The following ARHGAP22 variants were observed in gnomAD, a reference collection of about 807,000 sequenced individuals.
ARHGAP22 encodes Rho GTPase activating protein 22.
In ARHGAP22, 48 loss-of-function variants were observed where a neutral mutation model predicts 59.1. That is an observed-to-expected ratio of 0.81 (90% confidence interval 0.64 to 1.03). ARHGAP22 has a LOEUF of 1.03. Ranked by LOEUF, ARHGAP22 falls within the 50% of genes least tolerant of loss-of-function variation. The pLI is 0.00. For missense variants in ARHGAP22, 1,015 were observed against 958.7 expected (o/e 1.06, Z -0.78); for synonymous variants, 445 against 416.4 (o/e 1.07, Z -0.84).
At chr10:48,620,525 T>C (rs2061248906) in intron 1 of ARHGAP22, among the ~76,000 whole-genome samples, 1 of 152,176 alleles carries the variant, frequency 6.6e-6, no homozygotes, top group African/African-American at 2.4e-5. Context: ...TGGAAATCAT[T>C]TCCACTTTGC....
chr10:48,502,104 G>A (rs755684369), intron 3 of ARHGAP22, among the ~76,000 whole-genome samples: 4 of 152,128 alleles, frequency 2.6e-5, no homozygotes, highest in Non-Finnish European at 5.9e-5. Flanking sequence ...TTTTAATTTA[G>A]GAAAATGCCC....
chr10:48,450,155 A>C (rs2045758204), intron 9 of ARHGAP22, 106 bp downstream of exon 9: 3 of 1,439,432 alleles, frequency 2.1e-6, no homozygotes, highest in South Asian at 2.9e-5. Context: ...GCTGGCTTCC[A>C]GGGCCAGCGG....
At chr10:48,481,336 G>A (rs530814338) in intron 3 of ARHGAP22, among the ~76,000 whole-genome samples, 3 of 152,320 alleles carry the variant, frequency 2.0e-5, no homozygotes, top group South Asian at 4.1e-4. Context: ...GCGAGATAGG[G>A]AGAGGAAGCC....
At chr10:48,611,528 T>C (rs1458425805) in intron 1 of ARHGAP22, among the ~76,000 whole-genome samples, 1 of 152,136 alleles carries the variant, frequency 6.6e-6, no homozygotes, top group Non-Finnish European at 1.5e-5. Flanking sequence ...TCCCTGAAAC[T>C]TAGGTAAAGA....
At chr10:48,444,771 C>T (rs1446674399), downstream of ARHGAP22, 3 of 152,404 alleles carry the variant, frequency 2.0e-5, no homozygotes, top group East Asian at 1.9e-4. Context: ...CTCCGTTTCT[C>T]CTCTGAATAT....
At chr10:48,574,190 A>G (rs552018174) in intron 2 of ARHGAP22, among the ~76,000 whole-genome samples, 1 of 152,332 alleles carries the variant, frequency 6.6e-6, no homozygotes, top group African/African-American at 2.4e-5. Flanking sequence ...TCTAATACAA[A>G]TATGGGTCAC....
At chr10:48,606,863 G>A (rs147254382), upstream of ARHGAP22, among the ~76,000 whole-genome samples, 592 of 152,164 alleles carry the variant, frequency 3.9e-3, 1 homozygote, top group Non-Finnish European at 5.8e-3. Flanking sequence ...CCTCTTGTAC[G>A]CCCTCCCTGA....
intron 3 of ARHGAP22, among the ~76,000 whole-genome samples, chr10:48,503,056 G>C (rs1206469224): frequency 6.6e-6 from 1 of 152,224 alleles, no homozygotes. Flanking sequence ...CTCGTCTCCT[G>C]ACCTTGGAGA....
chr10:48,460,775 G>A (rs1004774973), intron 4 of ARHGAP22, among the ~76,000 whole-genome samples: 2 of 152,174 alleles, frequency 1.3e-5, no homozygotes, highest in South Asian at 4.1e-4. Flanking sequence ...GCATACAGTA[G>A]AACTTGATTC....
intron 9 of ARHGAP22, among the ~76,000 whole-genome samples, chr10:48,449,351 C>T (rs1424598356): frequency 1.3e-5 from 2 of 152,242 alleles, no homozygotes; most frequent in Non-Finnish European, 2.9e-5. Context: ...TCCTTCTCTT[C>T]CTTTTGCAGA....
intron 1 of ARHGAP22, among the ~76,000 whole-genome samples, chr10:48,596,949 T>C (rs1468192933): frequency 6.6e-6 from 1 of 152,144 alleles, no homozygotes; most frequent in African/African-American, 2.4e-5. Flanking sequence ...GTGCCACACC[T>C]CCACCCCTGT....
the ARHGAP22 span, among the ~76,000 whole-genome samples, chr10:48,433,586 C>A: frequency 6.6e-6 from 1 of 152,194 alleles, no homozygotes; most frequent in Non-Finnish European, 1.5e-5. Context: ...CTGCTTTTCT[C>A]TTCCGTTTCA....
At chr10:48,573,214 T>C (rs776989126) in intron 2 of ARHGAP22, among the ~76,000 whole-genome samples, 2 of 152,172 alleles carry the variant, frequency 1.3e-5, no homozygotes, top group Non-Finnish European at 2.9e-5. Context: ...AGGGTAAAGT[T>C]CCACCCAGGG....
chr10:48,639,790 C>T (rs575512795), intron 1 of ARHGAP22, among the ~76,000 whole-genome samples: 3 of 152,124 alleles, frequency 2.0e-5, no homozygotes, highest in East Asian at 3.9e-4. Flanking sequence ...AAAATGCCCA[C>T]TTTCTAACAA....
intron 3 of ARHGAP22, among the ~76,000 whole-genome samples, chr10:48,505,972 C>T (rs983825761): frequency 6.6e-6 from 1 of 152,180 alleles, no homozygotes; most frequent in Non-Finnish European, 1.5e-5. Flanking sequence ...ATTTGTTGAA[C>T]CACAAAATCT....
chr10:48,654,922 TC>T, upstream of ARHGAP22, among the ~76,000 whole-genome samples: 2 of 144,760 alleles, frequency 1.4e-5, no homozygotes. Flanking sequence ...TTTCTCCCTT[TC>T]TCTCTGTTTC....
intron 2 of ARHGAP22, 79 bp from the exon 3 acceptor site, chr10:48,555,629 G>T: frequency 1.4e-6 from 2 of 1,437,238 alleles, no homozygotes; most frequent in South Asian, 1.2e-5. Context: ...CCCTGGAGAG[G>T]AGAGGTTAGG....
At chr10:48,443,065 C>T (rs11599396), downstream of ARHGAP22, among the ~76,000 whole-genome samples, 2 of 151,848 alleles carry the variant, frequency 1.3e-5, no homozygotes, top group Non-Finnish European at 2.9e-5. Context: ...GGAATAAAAA[C>T]GTCTCCTGCA....
Position 48,450,448 on chromosome 10 carries a change from G to C in ARHGAP22, c.1681C>G (p.Pro561Ala). The C allele has an allele frequency of 6.4e-7, 1 of 1,553,640 alleles. No homozygotes were observed. The highest frequency in any genetic ancestry group is 2.4e-5 in the East Asian group (1 of 41,610). Residue 561 changes from proline to alanine, a missense_variant, in exon 9 of 10, where the codon CCC becomes GCC. Transcript: ENST00000249601. ...PSPLPSSSED[P>A]KSLDLDHSMD... ...CTGTGGTCCAGGTCCAGGGACTTGG[G>C]GTCCTCGCTGCTGCTGGGGAGCGGG...
Sources: allele counts gnomAD v4.1 joint callset (sites outside exome capture counted in the v4.1 genomes callset), GRCh38; gene constraint gnomAD v4.1.1; transcripts MANE v1.5; gene names NCBI Gene and HGNC (gene_info 2026-07-23, HGNC 2026-07-21).